Variants in SLC2A7 observed in about 807,000 individuals in gnomAD.
The protein encoded by SLC2A7 is solute carrier family 2 member 7.
Under a neutral mutation model 50.5 loss-of-function variants are expected in SLC2A7, and 50 were observed. That is an observed-to-expected ratio of 0.99 (90% CI 0.79 to 1.25). The LOEUF (loss-of-function observed/expected upper bound fraction) is 1.25. Ranked by LOEUF, SLC2A7 falls within the 50% of genes most tolerant of loss-of-function variation. The pLI is 0.00. For synonymous variants in SLC2A7, 308 were observed against 300.4 expected (o/e 1.03, Z -0.26); for missense variants, 683 against 679.1 (o/e 1.01, Z -0.06).
At chr1:9,005,475 T>G (rs898433423) in intron 10 of SLC2A7, among the ~76,000 whole-genome samples, 4 of 152,164 alleles carry the variant, frequency 2.6e-5, no homozygotes, top group African/African-American at 9.7e-5. Context: ...TATATAGATA[T>G]CTGTAGCTTT....
chr1:9,022,845 G>A (rs1569809729), intron 3 of SLC2A7, 73 bp downstream of exon 3: 1 of 1,563,456 alleles, frequency 6.4e-7, no homozygotes, highest in South Asian at 1.2e-5. Flanking sequence ...TCCCCACCAG[G>A]TGCACAAATG....
intron 4 of SLC2A7, 90 bp from the exon 5 acceptor site, chr1:9,018,465 T>C (rs2124259837): frequency 6.5e-7 from 1 of 1,531,008 alleles, no homozygotes; most frequent in Admixed American, 1.9e-5. Flanking sequence ...TCCCGGGGCT[T>C]CTCCATGCTG....
chr1:9,015,370 C>T (rs1413448107), intron 5 of SLC2A7, 128 bp from the exon 6 acceptor site: 37 of 1,227,182 alleles, frequency 3.0e-5, no homozygotes, highest in Admixed American at 2.5e-4. Flanking sequence ...CACCAGGGTA[C>T]TCCTACAAAT....
chr1:8,999,557 T>C (rs887766362), downstream of SLC2A7, among the ~76,000 whole-genome samples: 2 of 152,184 alleles, frequency 1.3e-5, no homozygotes, highest in Non-Finnish European at 2.9e-5. Flanking sequence ...TGTATTTGGG[T>C]GGCCCTGGGC....
chr1:9,018,057 C>A (rs1433541448), intron 5 of SLC2A7, among the ~76,000 whole-genome samples, 166 bp downstream of exon 5: 2 of 152,146 alleles, frequency 1.3e-5, no homozygotes, highest in Non-Finnish European at 2.9e-5. Flanking sequence ...CGCCATCACT[C>A]ACCAAAACAG....
At chr1:8,993,803 T>A in the SLC2A7 span, among the ~76,000 whole-genome samples, 13 of 152,084 alleles carry the variant, frequency 8.5e-5, no homozygotes, top group African/African-American at 1.7e-4. Context: ...ACTTTTTTTT[T>A]ATTTTATTAG....
Position 9,008,424 on chromosome 1 carries a change from A to AGCT in SLC2A7, c.1117-1042_1117-1040dup, listed in dbSNP as rs1295703392. Among the ~76,000 whole-genome samples, 2 of 152,216 alleles carry AGCT rather than the reference A, an allele frequency of 1.3e-5. No homozygotes were observed. The highest frequency in any genetic ancestry group is 2.9e-5 in the Non-Finnish European group (2 of 68,032). On this transcript the variant is annotated intron_variant, in intron 9 of 11. Coordinates refer to ENST00000400906, the MANE Select transcript of SLC2A7 (RefSeq NM_207420.3). This position sits in a 1 kb window ranked among gnomAD's most constrained non-coding sequence, Gnocchi z 5.9. The stretch of plus-strand genomic sequence containing the variant: ...GCCCTGGACCCGGTGTGAAGCGAGC[A>AGCT]GCTGCTGCTGCATTTTCAGGCAGAG...
chr1:9,010,848 G>A (rs574293449), intron 8 of SLC2A7, among the ~76,000 whole-genome samples: 1 of 152,322 alleles, frequency 6.6e-6, no homozygotes, highest in South Asian at 2.1e-4. Flanking sequence ...TAGTTTCTGT[G>A]TTTGATGCTT....
At chr1:9,001,348 T>C (rs1640569247), downstream of SLC2A7, among the ~76,000 whole-genome samples, 1 of 151,620 alleles carries the variant, frequency 6.6e-6, no homozygotes, top group South Asian at 2.1e-4. Flanking sequence ...TCCAGCCTTA[T>C]CATCTCGAGT....
chr1:9,017,926 CTT>C (rs1640853318), intron 5 of SLC2A7, among the ~76,000 whole-genome samples: 1 of 152,224 alleles, frequency 6.6e-6, no homozygotes, highest in Admixed American at 6.5e-5. Context: ...TATGCTGACA[CTT>C]TTCATGGCTT....
rs773898557 is a variant in SLC2A7 at position 9,026,298 on chromosome 1, C to T, written c.48G>A (p.Glu16=). ...AGTPPPIPSR[E]GRLQPTLLLA... ...GGTTCCTAGTCTTGGCACTTACCCC[C>T]TCCCTGGATGGAATGGGTGGAGGGG... The change falls in exon 1 of 12, where the codon GAG becomes GAA. Residue 16 remains glutamate (E), a synonymous_variant. Coordinates refer to ENST00000400906, the MANE Select transcript of SLC2A7 (RefSeq NM_207420.3). The T allele has an allele frequency of 2.5e-6, 4 of 1,609,062 alleles. No homozygotes were observed. Among genetic ancestry groups the T allele is most frequent in the Non-Finnish European group, 3.4e-6 (4 of 1,177,578 alleles).
chr1:8,993,126 G>A, the SLC2A7 span, among the ~76,000 whole-genome samples: 1 of 152,350 alleles, frequency 6.6e-6, no homozygotes, highest in East Asian at 1.9e-4. Context: ...GGAAGGCAAG[G>A]AGGAGCAAGG....
At chr1:9,006,501 C>T (rs900102627) in intron 10 of SLC2A7, among the ~76,000 whole-genome samples, 2 of 146,806 alleles carry the variant, frequency 1.4e-5, no homozygotes, top group Non-Finnish European at 3.0e-5. Context: ...GCCTGCCTCC[C>T]TCCACCTCTC....
chr1:9,006,384 A>G (rs1354834559), intron 10 of SLC2A7, among the ~76,000 whole-genome samples: 1 of 152,164 alleles, frequency 6.6e-6, no homozygotes, highest in Non-Finnish European at 1.5e-5. Flanking sequence ...AGTAGCTGGG[A>G]CTACAGGCGC....
intron 5 of SLC2A7, 29 bp from the exon 6 acceptor site, chr1:9,015,271 G>C: frequency 6.4e-7 from 1 of 1,550,422 alleles, no homozygotes. Context: ...TCAGGATCCC[G>C]GGGCCTGGGC....
rs116001294 is a variant in SLC2A7, at chr1:9,005,663, C to T, written c.1193-784G>A. Among the ~76,000 whole-genome samples, 872 of 151,488 alleles carry T rather than the reference C, an allele frequency of 5.8e-3. 14 individuals are homozygous for T. The highest frequency in any genetic ancestry group is 0.02 in the African/African-American group (843 of 41,312). On this transcript the variant is annotated intron_variant, in intron 10 of 11. Coordinates refer to ENST00000400906, the MANE Select transcript of SLC2A7 (RefSeq NM_207420.3). ...TCTACTAAAAATATAAAAATTAGTC[C>T]GGCATGGTGGCGTGTGCCTGTAGTC...
At chr1:9,024,566 C>A (rs1428367443) in intron 2 of SLC2A7, among the ~76,000 whole-genome samples, 1 of 152,188 alleles carries the variant, frequency 6.6e-6, no homozygotes, top group African/African-American at 2.4e-5. Context: ...GGGTCTTCCA[C>A]ACCTGCAAGG....
In SLC2A7 at chr1:9,018,449, T is replaced by C. The variant is rs1232450221; in HGVS notation, c.437-74A>G. The C allele has an allele frequency of 1.9e-6, 3 of 1,574,078 alleles. No individual in the cohort carries two copies. The African/African-American group carries it at 4.1e-5, about 21-fold the overall frequency. Reference sequence around the variant, plus strand: ...ATCTGAGATGCAATTCAATTCCGTTTCCTAATCCCGGGGCTTCTCCATGCT... The same window carrying C: ...ATCTGAGATGCAATTCAATTCCGTTCCCTAATCCCGGGGCTTCTCCATGCT... On this transcript the variant is annotated intron_variant, in intron 4 of 11. Transcript: ENST00000400906.
At chr1:8,997,691 C>G in the SLC2A7 span, among the ~76,000 whole-genome samples, 4 of 152,194 alleles carry the variant, frequency 2.6e-5, no homozygotes, top group Admixed American at 6.5e-5. Context: ...AGCCACGGCG[C>G]CCGGCCAGCT....
Sources: allele counts gnomAD v4.1 joint callset (sites outside exome capture counted in the v4.1 genomes callset), GRCh38; gene constraint gnomAD v4.1.1; non-coding constraint Gnocchi (gnomAD v3.1); transcripts MANE v1.5; gene names NCBI Gene and HGNC (gene_info 2026-07-23, HGNC 2026-07-21).